Variants in CD99L2 observed in about 807,000 individuals in gnomAD.
The protein encoded by CD99L2 is CD99 antigen-like protein 2.
A neutral mutation model predicts 27.3 loss-of-function variants in CD99L2; 24 were observed. The ratio of observed to expected loss-of-function variants is 0.88; its 90% CI spans 0.64 to 1.24. The LOEUF is 1.24. Ranked by LOEUF, CD99L2 falls within the 50% of genes most tolerant of loss-of-function variation. The probability of loss-of-function intolerance (pLI) is 0.00; values close to 1 mark genes in which losing one functional copy is unlikely to be tolerated. For missense variants in CD99L2, 255 were observed against 221.6 expected, an observed-to-expected ratio of 1.15 and a Z score of -0.96; for synonymous variants, 97 against 87.9, an observed-to-expected ratio of 1.10 and a Z score of -0.58.
intron 1 of CD99L2, among the ~76,000 whole-genome samples, chrX:150,873,508 C>T (rs2047187551): frequency 8.9e-6 from 1 of 111,933 alleles, no homozygotes; most frequent in Non-Finnish European, 1.9e-5. Context: ...GCCTTGTGAA[C>T]GCACTAAATG....
intron 1 of CD99L2, among the ~76,000 whole-genome samples, chrX:150,867,910 A>C (rs1218518711): frequency 2.1e-5 from 2 of 94,447 alleles, no homozygotes; most frequent in African/African-American, 7.7e-5. Flanking sequence ...AAAAAAAAAA[A>C]AAAAAAAAAA....
intron 1 of CD99L2, among the ~76,000 whole-genome samples, chrX:150,851,069 C>T (rs2046784571): frequency 1.8e-5 from 2 of 111,340 alleles, no homozygotes; most frequent in African/African-American, 3.3e-5. Context: ...GAACTCCTGA[C>T]CTCAGGTAAT....
At chrX:150,777,192 A>C in intron 8 of CD99L2, 1 of 413,810 alleles carries the variant, frequency 2.4e-6, no homozygotes, top group Non-Finnish European at 4.2e-6. Flanking sequence ...TTGTATTGCC[A>C]GGGTGAAATT....
chrX:150,862,832 GAGAA>G (rs1378357646), intron 1 of CD99L2, among the ~76,000 whole-genome samples: 2 of 104,320 alleles, frequency 1.9e-5, no homozygotes, highest in Admixed American at 1.0e-4. Flanking sequence ...AGGAAAGAAA[GAGAA>G]AGAGAGAGAG....
intron 1 of CD99L2, among the ~76,000 whole-genome samples, chrX:150,887,631 T>C (rs1036936158): frequency 9.0e-6 from 1 of 110,972 alleles, no homozygotes; most frequent in Admixed American, 9.6e-5. Context: ...CAGTAGGCAC[T>C]GTGCTGTCAG....
In CD99L2 at chrX:150,872,979, T is replaced by A. The variant is rs782158951; in HGVS notation, c.67+25543A>T. Among the ~76,000 whole-genome samples the A allele has an allele frequency of 3.6e-5, 4 of 111,606 alleles. No homozygotes were observed. The South Asian group carries it at 1.5e-3, about 43-fold the overall frequency. On this transcript the variant is annotated intron_variant, in intron 1 of 10. Coordinates refer to ENST00000370377, the MANE Select transcript of CD99L2 (RefSeq NM_031462.4). The stretch of plus-strand genomic sequence containing the variant: ...GCATGCAGCCTTCCCCCTCCACCTG[T>A]GTCCACTCCCATCCTCCCAGCCAGC...
chrX:150,819,570 A>G (rs1183268502), intron 2 of CD99L2, among the ~76,000 whole-genome samples: 2 of 112,101 alleles, frequency 1.8e-5, no homozygotes, highest in Admixed American at 1.9e-4. Flanking sequence ...AAAGAACAAA[A>G]GAGGAAAGAT....
intron 9 of CD99L2, chrX:150,771,970 T>G (rs2043464828): frequency 1.7e-6 from 1 of 593,250 alleles, no homozygotes; most frequent in Non-Finnish European, 2.7e-6. Flanking sequence ...CGAGAGCACC[T>G]GAGGGCCACA....
intron 1 of CD99L2, among the ~76,000 whole-genome samples, chrX:150,833,497 A>G (rs1164566003): frequency 8.9e-6 from 1 of 111,998 alleles, no homozygotes; most frequent in Non-Finnish European, 1.9e-5. Flanking sequence ...CCAATAGCCA[A>G]AGCAATCTTG....
At chrX:150,790,077 A>T (rs1557419680) in intron 7 of CD99L2, among the ~76,000 whole-genome samples, 1 of 111,187 alleles carries the variant, frequency 9.0e-6, no homozygotes, top group African/African-American at 3.3e-5. Flanking sequence ...TTGCTAAGTG[A>T]AAGAAGCTAG....
At chrX:150,778,918 G>A (rs2045463011) in intron 7 of CD99L2, among the ~76,000 whole-genome samples, 1 of 110,560 alleles carries the variant, frequency 9.0e-6, no homozygotes, top group Non-Finnish European at 1.9e-5. Context: ...ACAGGAAGAT[G>A]GGGGTCACTG....
chrX:150,800,044 G>C (rs73609542), intron 4 of CD99L2, among the ~76,000 whole-genome samples: 34,325 of 111,252 alleles, frequency 0.31, 4,375 homozygotes, highest in African/African-American at 0.49. Flanking sequence ...TATTATTCAG[G>C]CTTAAAAGAA....
At chrX:150,801,995 C>G (rs73609544) in intron 4 of CD99L2, among the ~76,000 whole-genome samples, 25,548 of 111,159 alleles carry the variant, frequency 0.23, 2,609 homozygotes, top group African/African-American at 0.4. Flanking sequence ...GTCTGAAACA[C>G]CAAGGACATC....
At chrX:150,854,844 A>T (rs2046846385) in intron 1 of CD99L2, among the ~76,000 whole-genome samples, 1 of 111,078 alleles carries the variant, frequency 9.0e-6, no homozygotes, top group African/African-American at 3.3e-5. Flanking sequence ...GTGGCATTTC[A>T]TGACAGTAGC....
intron 1 of CD99L2, among the ~76,000 whole-genome samples, chrX:150,868,897 G>A: frequency 8.9e-6 from 1 of 111,825 alleles, no homozygotes; most frequent in Non-Finnish European, 1.9e-5. Flanking sequence ...TTAAAACTGA[G>A]TTACACACAT....
At chrX:150,845,265 G>A in intron 1 of CD99L2, among the ~76,000 whole-genome samples, 1 of 111,719 alleles carries the variant, frequency 9.0e-6, no homozygotes, top group Admixed American at 9.5e-5. Flanking sequence ...AGGGGCTAGG[G>A]AGTGAAGGGA....
At chrX:150,809,916 A>G (rs2046048833) in intron 4 of CD99L2, among the ~76,000 whole-genome samples, 1 of 112,183 alleles carries the variant, frequency 8.9e-6, no homozygotes, top group South Asian at 3.7e-4. Flanking sequence ...GGAAGACATA[A>G]TGATCCTAAA....
At chrX:150,769,892 T>C (rs2043405857) in intron 10 of CD99L2, among the ~76,000 whole-genome samples, 1 of 113,059 alleles carries the variant, frequency 8.8e-6, no homozygotes, top group Non-Finnish European at 1.9e-5. Flanking sequence ...GTGTTGACAA[T>C]AGGGTCTGGG....
intron 9 of CD99L2, 131 bp downstream of exon 9, chrX:150,776,043 C>T: frequency 1.1e-6 from 1 of 888,979 alleles, no homozygotes; most frequent in Non-Finnish European, 1.6e-6. Context: ...TTGCCTCCAC[C>T]CCCGTCCCAG....
Sources: gnomAD v4.1 joint callset for allele counts (sites outside exome capture counted in the v4.1 genomes callset) on GRCh38, gnomAD v4.1.1 for gene constraint, MANE v1.5 for transcripts, NCBI Gene and HGNC (gene_info 2026-07-23, HGNC 2026-07-21) for gene names.